PCDHA2: variants seen among roughly 807,000 people sequenced by gnomAD.
PCDHA2 encodes protocadherin alpha 2.
A neutral mutation model predicts 66.0 loss-of-function variants in PCDHA2; 58 were observed. That is an observed-to-expected ratio of 0.88 (90% CI 0.71 to 1.09). The LOEUF is 1.09. Ranked by LOEUF, PCDHA2 falls within the 50% of genes least tolerant of loss-of-function variation. PCDHA2 has a pLI of 0.00. For missense variants in PCDHA2, 1,267 were observed against 1,242.3 expected, an observed-to-expected ratio of 1.02 and a Z score of -0.30; for synonymous variants, 634 against 554.0, an observed-to-expected ratio of 1.14 and a Z score of -2.03.
At chr5:140,930,962 T>A (rs1193722929) in intron 1 of PCDHA2, among the ~76,000 whole-genome samples, 2 of 152,184 alleles carry the variant, frequency 1.3e-5, no homozygotes, top group African/African-American at 4.8e-5. Flanking sequence ...AAATGTACTG[T>A]TTCAATGATT....
rs562257406 is a variant in PCDHA2 at position 140,883,263 on chromosome 5, G to A, written c.2388+85911G>A. 5.0e-6 allele frequency: 8 copies of A among 1,613,870 alleles called. No individual in the cohort carries two copies. The Admixed American group carries it at 6.7e-5, about 13-fold the overall frequency. ...GACAAAGGAAATATTCCAATGGCGG[G>A]TCATTGTACCCTTTTGGTGGAAGTA... On this transcript the variant is annotated intron_variant, in intron 1 of 3. Transcript: ENST00000526136.
chr5:140,943,420 G>T (rs1197382156), intron 1 of PCDHA2, among the ~76,000 whole-genome samples: 1 of 152,040 alleles, frequency 6.6e-6, no homozygotes, highest in Non-Finnish European at 1.5e-5. Context: ...AGAGGCAAGG[G>T]CTTTAATATG....
chr5:140,829,988 A>C (rs1770730087), intron 1 of PCDHA2: 3 of 1,613,924 alleles, frequency 1.9e-6, no homozygotes, highest in Non-Finnish European at 2.5e-6. Context: ...CGAGATCAGC[A>C]CCACTCGTGT....
chr5:140,860,424 C>T (rs1554153356), intron 1 of PCDHA2: 1 of 152,034 alleles, frequency 6.6e-6, no homozygotes, highest in Non-Finnish European at 1.5e-5. Flanking sequence ...CATTATCCTG[C>T]AAATATGATC....
At chr5:140,967,047 T>C in intron 1 of PCDHA2, 5 of 1,612,444 alleles carry the variant, frequency 3.1e-6, no homozygotes, top group Non-Finnish European at 4.2e-6. Flanking sequence ...GAGCTGGACC[T>C]GACGAGTGGA....
chr5:140,869,698 T>C (rs782072995), intron 1 of PCDHA2: 4 of 1,613,236 alleles, frequency 2.5e-6, no homozygotes, highest in Middle Eastern at 1.6e-4. Context: ...TTTAAAGAAG[T>C]CTCTGGATAG....
chr5:140,949,335 C>T (rs1388078558), intron 1 of PCDHA2, among the ~76,000 whole-genome samples: 1 of 151,586 alleles, frequency 6.6e-6, no homozygotes, highest in Non-Finnish European at 1.5e-5. Flanking sequence ...TATTGTTATC[C>T]AGATTTTCTG....
chr5:140,937,835 C>T (rs782666689), intron 1 of PCDHA2, among the ~76,000 whole-genome samples: 3 of 151,520 alleles, frequency 2.0e-5, no homozygotes, highest in Non-Finnish European at 2.9e-5. Context: ...TGGCATGAAC[C>T]TGGAAGGCGG....
chr5:140,988,866 C>T (rs1364853349), intron 3 of PCDHA2: 2 of 152,170 alleles, frequency 1.3e-5, no homozygotes, highest in Non-Finnish European at 2.9e-5. Context: ...CTCATGTGCA[C>T]TCAGATGTAC....
intron 1 of PCDHA2, among the ~76,000 whole-genome samples, chr5:140,947,840 T>C (rs1554218335): frequency 6.6e-6 from 1 of 151,630 alleles, no homozygotes; most frequent in Non-Finnish European, 1.5e-5. Context: ...TAATATTTGT[T>C]TATTTATTTT....
chr5:140,836,386 C>T, intron 1 of PCDHA2: 1 of 1,613,722 alleles, frequency 6.2e-7, no homozygotes, highest in Non-Finnish European at 8.5e-7. Context: ...GTGCTGGTGT[C>T]GCTGGTGGAA....
chr5:140,892,212 T>C (rs1554185117), intron 1 of PCDHA2, among the ~76,000 whole-genome samples: 5 of 152,236 alleles, frequency 3.3e-5, no homozygotes, highest in Admixed American at 2.6e-4. Context: ...TTTAAAATTG[T>C]ATCTTTATGG....
chr5:140,884,988 ATGTT>A (rs1398620689), intron 1 of PCDHA2, among the ~76,000 whole-genome samples: 1 of 152,242 alleles, frequency 6.6e-6, no homozygotes, highest in Non-Finnish European at 1.5e-5. Context: ...CATTTAGAAA[ATGTT>A]TGTTTTAATG....
At chr5:140,969,346 AG>A (rs2096322383) in intron 1 of PCDHA2, 1 of 1,613,510 alleles carries the variant, frequency 6.2e-7, no homozygotes, top group African/African-American at 1.3e-5. Flanking sequence ...GACAGTGGTC[AG>A]GGGGTCTTCT....
At chr5:140,936,244 T>C (rs879962489) in intron 1 of PCDHA2, among the ~76,000 whole-genome samples, 13 of 152,192 alleles carry the variant, frequency 8.5e-5, no homozygotes, top group Non-Finnish European at 1.6e-4. Context: ...AGAAAACATA[T>C]CCTGCTTCAA....
chr5:140,851,317 G>C, intron 1 of PCDHA2: 1 of 992,602 alleles, frequency 1.0e-6, no homozygotes, highest in Non-Finnish European at 1.2e-6. Flanking sequence ...TTGTTACCTT[G>C]TTAAGTTTGT....
intron 1 of PCDHA2, chr5:140,813,592 T>C (rs1554126239): frequency 6.6e-6 from 1 of 152,220 alleles, no homozygotes; most frequent in Admixed American, 6.5e-5. Context: ...TTTATCTGCA[T>C]GAGTCAATGA....
Position 140,869,430 on chromosome 5 carries a change from C to A in PCDHA2, c.2388+72078C>A, listed in dbSNP as rs73793507. On this transcript the variant is annotated intron_variant, in intron 1 of 3. Transcript: ENST00000526136. ...AGTGCAGCATCCACCTGGAGGTGATCGTGGACAGGCCGCTGCAGGTTTTCC... is the reference window on the plus strand; with the variant it reads ...AGTGCAGCATCCACCTGGAGGTGATAGTGGACAGGCCGCTGCAGGTTTTCC... 7.1e-4 allele frequency: 1,143 copies of A among 1,614,154 alleles called. 9 individuals are homozygous for A. In the African/African-American group the frequency reaches 0.013, roughly 18 times the overall value.
At chr5:140,848,532 C>G (rs2150412105) in intron 1 of PCDHA2, 1 of 1,594,974 alleles carries the variant, frequency 6.3e-7, no homozygotes, top group Non-Finnish European at 8.6e-7. Context: ...AGAGGGTCAG[C>G]CTCTACTGCT....
Sources: gnomAD v4.1 joint callset for allele counts (sites outside exome capture counted in the v4.1 genomes callset) on GRCh38, gnomAD v4.1.1 for gene constraint, MANE v1.5 for transcripts, NCBI Gene and HGNC (gene_info 2026-07-23, HGNC 2026-07-21) for gene names.